Variants in ZUP1 observed in about 807,000 individuals in gnomAD.
ZUP1 encodes zinc finger-containing ubiquitin peptidase 1.
ZUP1 carries 55 observed loss-of-function variants against 68.1 expected under a neutral mutation model. The ratio of observed to expected loss-of-function variants is 0.81; its 90% CI spans 0.65 to 1.01. The LOEUF (loss-of-function observed/expected upper bound fraction) is 1.01. ZUP1 is among the 50% of genes least tolerant of loss of function. The probability of loss-of-function intolerance (pLI) is 0.00; values close to 1 mark genes in which losing one functional copy is unlikely to be tolerated. For synonymous variants in ZUP1, 223 were observed against 221.5 expected, an observed-to-expected ratio of 1.01 and a Z score of -0.06; for missense variants, 684 against 674.9, an observed-to-expected ratio of 1.01 and a Z score of -0.15.
chr6:116,639,259 G>A (rs1291343713), intron 9 of ZUP1, among the ~76,000 whole-genome samples: 1 of 152,250 alleles, frequency 6.6e-6, no homozygotes, highest in Non-Finnish European at 1.5e-5. Context: ...TCTGGGGGCA[G>A]GGCACAGACA....
At chr6:116,646,032 A>C in intron 8 of ZUP1, 98 bp from the exon 9 acceptor site, 1 of 804,148 alleles carries the variant, frequency 1.2e-6, no homozygotes, top group South Asian at 2.0e-5. Flanking sequence ...TGTGTTTAGA[A>C]TATAAATACA....
chr6:116,660,491 A>C, intron 3 of ZUP1: 1 of 383,248 alleles, frequency 2.6e-6, no homozygotes, highest in Non-Finnish European at 4.6e-6. Flanking sequence ...TATATAGTTC[A>C]CATTCATTTG....
At chr6:116,640,309 C>T (rs185005957) in intron 9 of ZUP1, among the ~76,000 whole-genome samples, 1 of 152,152 alleles carries the variant, frequency 6.6e-6, no homozygotes, top group Admixed American at 6.5e-5. Flanking sequence ...CAAGGGAGGC[C>T]AACAGTCAGA....
intron 7 of ZUP1, among the ~76,000 whole-genome samples, chr6:116,647,977 A>G (rs899980950): frequency 3.9e-5 from 6 of 152,138 alleles, no homozygotes; most frequent in Non-Finnish European, 8.8e-5. Context: ...TCTACACATA[A>G]TTTTTTCACA....
rs1472434600 is a variant in ZUP1 at position 116,658,882 on chromosome 6, TGAGCCAATTGTA to T, written c.701_712del (p.Leu234_Ala237del). On this transcript the variant is annotated inframe_deletion, in exon 4 of 10. Coordinates refer to ENST00000368576, the MANE Select transcript of ZUP1 (RefSeq NM_145062.3). The stretch of plus-strand genomic sequence containing the variant: ...TCTGTCTTCTTCTTGCTGAAGCTGG[TGAGCCAATTGTA>T]GATCACCAGAACACTGGACTCTATC... The T allele has an allele frequency of 6.2e-7, 1 of 1,612,430 alleles. No homozygotes were observed. Among genetic ancestry groups the T allele is most frequent in the South Asian group, 1.1e-5 (1 of 90,920 alleles).
At chr6:116,645,650 T>G in intron 9 of ZUP1, 64 bp downstream of exon 9, 1 of 1,160,358 alleles carries the variant, frequency 8.6e-7, no homozygotes, top group East Asian at 2.5e-5. Flanking sequence ...GATTTTAAAC[T>G]AAAAGTTTTA....
chr6:116,647,384 C>A (rs200632692), intron 8 of ZUP1, 75 bp downstream of exon 8: 21 of 1,018,508 alleles, frequency 2.1e-5, no homozygotes, highest in Middle Eastern at 2.7e-4. Context: ...AAACAAAAAA[C>A]CTTAACCTGT....
At chr6:116,639,025 A>G (rs1317658307) in intron 9 of ZUP1, among the ~76,000 whole-genome samples, 3 of 152,232 alleles carry the variant, frequency 2.0e-5, no homozygotes, top group Non-Finnish European at 4.4e-5. Flanking sequence ...ACGGCGCACC[A>G]GGAGATTATA....
At chr6:116,638,768 C>A (rs561833406) in intron 9 of ZUP1, among the ~76,000 whole-genome samples, 1 of 152,158 alleles carries the variant, frequency 6.6e-6, no homozygotes, top group Non-Finnish European at 1.5e-5. Flanking sequence ...ACGCAGAAGA[C>A]GGGTGATTTC....
intron 9 of ZUP1, among the ~76,000 whole-genome samples, 167 bp from the exon 10 acceptor site, chr6:116,636,046 T>A (rs1034148501): frequency 1.2e-4 from 18 of 152,194 alleles, no homozygotes; most frequent in African/African-American, 4.3e-4. Context: ...GGAATAAACA[T>A]TTTTCCAGCC....
chr6:116,641,753 G>C (rs962501954), intron 9 of ZUP1, among the ~76,000 whole-genome samples: 3 of 151,974 alleles, frequency 2.0e-5, no homozygotes, highest in Non-Finnish European at 4.4e-5. Context: ...ATCCAAAATT[G>C]ACACCCTAAC....
intron 1 of ZUP1, among the ~76,000 whole-genome samples, chr6:116,667,876 G>T (rs1293303467): frequency 1.3e-5 from 2 of 152,094 alleles, no homozygotes; most frequent in Non-Finnish European, 2.9e-5. Context: ...AGAGAACTGG[G>T]TAATAATTTC....
intron 2 of ZUP1, among the ~76,000 whole-genome samples, chr6:116,666,250 A>T (rs1777006215): frequency 6.6e-6 from 1 of 152,168 alleles, no homozygotes; most frequent in Non-Finnish European, 1.5e-5. Context: ...GGCCTCAACA[A>T]ATTTAAAAGA....
In ZUP1 at chr6:116,645,739, C is replaced by T. The variant is rs1419871523; in HGVS notation, c.1664G>A (p.Gly555Asp). The T allele has an allele frequency of 6.2e-7, 1 of 1,612,900 alleles. No homozygotes were observed. Among genetic ancestry groups the T allele is most frequent in the Non-Finnish European group, 8.5e-7 (1 of 1,179,686 alleles). Residue 555 changes from glycine (G) to aspartate (D), a missense_variant, in exon 9 of 10, where the codon GGT becomes GAT. Physicochemically the swap from Gly to Asp is moderately conservative, Grantham distance 94. Coordinates refer to ENST00000368576, the MANE Select transcript of ZUP1 (RefSeq NM_145062.3). ...AAGTTTCTCCTCTAGAGAAAGAGCA[C>T]CCTCTACTGCCAATATCTGGTATTG... is the stretch of plus-strand genomic sequence containing the variant. ...HKQYQILAVE[G>D]ALSLEEKLAR...
chr6:116,639,052 G>A (rs1775998582), intron 9 of ZUP1, among the ~76,000 whole-genome samples: 1 of 152,254 alleles, frequency 6.6e-6, no homozygotes, highest in South Asian at 2.1e-4. Context: ...ACCTGGCTCG[G>A]AGGGTCCTAC....
At chr6:116,660,519 T>C (rs9387429) in intron 3 of ZUP1, 142,017 of 435,522 alleles carry the variant, frequency 0.33, 24,945 homozygotes, top group African/African-American at 0.5. Flanking sequence ...TTATGTGCCA[T>C]ATGGCAGTTT....
At position 116,656,739 on chromosome 6, in the gene ZUP1, A is replaced by G; in HGVS notation, c.906T>C (p.Ala302=). ...CAAGAGCTAATGATTCCATCATATCAGCTTTTCTCCTATGAAATTCAGATG... is the reference window on the plus strand; with the variant it reads ...CAAGAGCTAATGATTCCATCATATCGGCTTTTCTCCTATGAAATTCAGATG... ...MPPSEFHRRK[A]DMMESLALGF... Residue 302 remains alanine (A), a synonymous_variant, in exon 5 of 10, where the codon GCT becomes GCC. Transcript: ENST00000368576. The G allele has an allele frequency of 1.9e-6, 3 of 1,612,502 alleles. No individual in the cohort carries two copies. In the Middle Eastern group the frequency reaches 5.0e-4, roughly 266 times the overall value.
At position 116,647,467 on chromosome 6, in the gene ZUP1, T is replaced by A. The variant is rs1248800921; in HGVS notation, c.1460A>T (p.Gln487Leu). The change falls in exon 8 of 10, where the codon CAG becomes CTG. Residue 487 changes from glutamine to leucine, a missense_variant. Coordinates refer to ENST00000368576, the MANE Select transcript of ZUP1 (RefSeq NM_145062.3). The part of the protein sequence containing the change: ...VCTSKPPIYL[Q>L]HQGHSRTVIG... ...GTTATATTAATACTAACCTTGATGCTGAAGATAGATAGGAGGTTTAGATGT... is the reference window on the plus strand; with the variant it reads ...GTTATATTAATACTAACCTTGATGCAGAAGATAGATAGGAGGTTTAGATGT... 1 of 1,562,884 alleles carries A rather than the reference T, an allele frequency of 6.4e-7. No homozygotes were observed. Among genetic ancestry groups the A allele is most frequent in the Admixed American group, 1.8e-5 (1 of 56,154 alleles).
intron 2 of ZUP1, among the ~76,000 whole-genome samples, chr6:116,663,515 C>T (rs1304021539): frequency 1.3e-5 from 2 of 152,168 alleles, no homozygotes; most frequent in Non-Finnish European, 2.9e-5. Flanking sequence ...AATGTTGTGT[C>T]AGCAAAGGAT....
Sources: gnomAD v4.1 joint callset for allele counts (sites outside exome capture counted in the v4.1 genomes callset) on GRCh38, gnomAD v4.1.1 for gene constraint, MANE v1.5 for transcripts, NCBI Gene and HGNC (gene_info 2026-07-23, HGNC 2026-07-21) for gene names.